ADGRG4: variants seen among roughly 807,000 people sequenced by gnomAD.
The protein encoded by ADGRG4 is adhesion G protein-coupled receptor G4.
Under a neutral mutation model 126.2 loss-of-function variants are expected in ADGRG4, and 122 were observed. That is an observed-to-expected ratio of 0.97 (90% CI 0.83 to 1.12). The LOEUF is 1.12. Ranked by LOEUF, ADGRG4 falls within the 50% of genes most tolerant of loss-of-function variation. ADGRG4 has a pLI of 0.00. For synonymous variants in ADGRG4, 943 were observed against 838.7 expected, an observed-to-expected ratio of 1.12 and a Z score of -2.15; for missense variants, 2,481 against 2,251.8, an observed-to-expected ratio of 1.10 and a Z score of -2.06.
rs1457441441 is a variant in ADGRG4, at chrX:136,345,306, G to A, written c.1600G>A (p.Asp534Asn). The change falls in exon 6 of 26, where the codon GAT (aspartate) becomes AAT (asparagine). Residue 534 changes from aspartate (D) to asparagine (N), a missense_variant. By Grantham distance (23) the Asp-to-Asn change is conservative (BLOSUM62 1). Coordinates refer to ENST00000394143, the MANE Select transcript of ADGRG4 (RefSeq NM_153834.4). ...ETELTSTNFQDVSLPRVEDAM... is the reference protein window; with the variant it reads ...ETELTSTNFQNVSLPRVEDAM... ...AGAATTGACATCTACAAATTTTCAGGATGTCTCTTTACCCAGAGTGGAAGA... is the reference window on the plus strand; with the variant it reads ...AGAATTGACATCTACAAATTTTCAGAATGTCTCTTTACCCAGAGTGGAAGA... The A allele has an allele frequency of 8.3e-7, 1 of 1,210,282 alleles. No homozygotes were observed. Among genetic ancestry groups the A allele is most frequent in the Admixed American group, 2.2e-5 (1 of 45,917 alleles).
rs765251315 is a variant in ADGRG4 at position 136,350,444 on chromosome X, A to G, written c.6727+11A>G. ...CCACCAAGTCCACAGGTACTGCTCCATAATGCATGTGGTGTAGCCCCAACA... is the reference window on the plus strand; with the variant it reads ...CCACCAAGTCCACAGGTACTGCTCCGTAATGCATGTGGTGTAGCCCCAACA... On this transcript the variant is annotated intron_variant, in intron 6 of 25. Coordinates refer to ENST00000394143, the MANE Select transcript of ADGRG4 (RefSeq NM_153834.4). The G allele has an allele frequency of 3.4e-6, 4 of 1,191,766 alleles. No individual in the cohort carries two copies. Among genetic ancestry groups the G allele is most frequent in the Non-Finnish European group, 4.5e-6 (4 of 884,578 alleles).
intron 22 of ADGRG4, among the ~76,000 whole-genome samples, chrX:136,404,346 G>A (rs1692935807): frequency 9.0e-6 from 1 of 111,180 alleles, no homozygotes; most frequent in Middle Eastern, 4.2e-3. Flanking sequence ...AAGAGCAAAA[G>A]CAAAATCAGA....
chrX:136,393,548 T>C lies in ADGRG4; in HGVS notation c.8048T>C (p.Val2683Ala). ...HIGGNQNYGQ[V>A]HCAFWDFENN... is the part of the protein sequence containing the mutation. ...CTTTTTTTCCAGAATTATGGTCAAGTTCACTGTGCCTTTTGGGATTTTGAG... is the reference window on the plus strand; with the variant it reads ...CTTTTTTTCCAGAATTATGGTCAAGCTCACTGTGCCTTTTGGGATTTTGAG... Residue 2683 changes from valine (V) to alanine (A), a missense_variant, in exon 18 of 26, where the codon GTT becomes GCT. Val to Ala is a moderately conservative substitution (Grantham distance 64, BLOSUM62 0). Transcript: ENST00000394143. 1 of 1,205,327 alleles carries C rather than the reference T, an allele frequency of 8.3e-7. No homozygotes were observed. The highest frequency in any genetic ancestry group is 1.1e-6 in the Non-Finnish European group (1 of 890,415).
intron 5 of ADGRG4, among the ~76,000 whole-genome samples, chrX:136,330,271 C>T (rs780392888): frequency 7.2e-5 from 8 of 111,140 alleles, no homozygotes; most frequent in Non-Finnish European, 1.3e-4. Flanking sequence ...TTTCCCCCTA[C>T]GCTGCTTCAT....
At position 136,347,693 on chromosome X, in the gene ADGRG4, T is replaced by C. The variant is rs1484225543; in HGVS notation, c.3987T>C (p.Ala1329=). The C allele has an allele frequency of 8.3e-7, 1 of 1,210,244 alleles. No individual in the cohort carries two copies. Among genetic ancestry groups the C allele is most frequent in the Admixed American group, 2.2e-5 (1 of 45,993 alleles). ...GGACTCCCTCTGATGGAAATTTGGC[T>C]TCATCTCCCACTTCTGGAAGCACAC... is the stretch of plus-strand genomic sequence containing the variant. ...PLGTPSDGNL[A]SSPTSGSTQI... The change falls in exon 6 of 26, where the codon GCT becomes GCC. Residue 1329 remains alanine (A), a synonymous_variant. Transcript: ENST00000394143.
At chrX:136,306,151 C>T (rs1010687206) in intron 3 of ADGRG4, 1 of 111,380 alleles carries the variant, frequency 9.0e-6, no homozygotes, top group Admixed American at 9.6e-5. Flanking sequence ...TTAAAAGAGT[C>T]CAGTTCTCAG....
chrX:136,361,360 ATAT>A, intron 11 of ADGRG4, 92 bp from the exon 12 acceptor site: 2 of 302,138 alleles, frequency 6.6e-6, no homozygotes, highest in Non-Finnish European at 9.6e-6. Context: ...ATAATATATA[ATAT>A]TATATTATTA....
At chrX:136,380,797 G>A (rs137897757) in intron 15 of ADGRG4, among the ~76,000 whole-genome samples, 279 of 107,875 alleles carry the variant, frequency 2.6e-3, no homozygotes, top group African/African-American at 8.5e-3. Flanking sequence ...CAGCAGCTTC[G>A]AACTCCTGGA....
At chrX:136,309,731 C>T (rs963191797) in intron 4 of ADGRG4, among the ~76,000 whole-genome samples, 1 of 111,530 alleles carries the variant, frequency 9.0e-6, no homozygotes, top group African/African-American at 3.3e-5. Context: ...ATGGGGCCTA[C>T]GGGGTACAGT....
In ADGRG4 at chrX:136,345,583, G is replaced by A. The variant is rs771148242; in HGVS notation, c.1877G>A (p.Arg626Lys). The part of the protein sequence containing the change: ...DGHLLTLMST[R>K]SASTSKAPES... ...CACTTGCTTACTTTGATGTCCACTA[G>A]ATCAGCTTCCACATCCAAGGCACCT... Residue 626 changes from arginine to lysine, a missense_variant, in exon 6 of 26, where the codon AGA becomes AAA. Coordinates refer to ENST00000394143, the MANE Select transcript of ADGRG4 (RefSeq NM_153834.4). 8.3e-7 allele frequency: 1 copy of A among 1,210,672 alleles called. No individual in the cohort carries two copies.
At chrX:136,312,297 T>C (rs1226342045) in intron 4 of ADGRG4, among the ~76,000 whole-genome samples, 1 of 112,251 alleles carries the variant, frequency 8.9e-6, no homozygotes, top group Non-Finnish European at 1.9e-5. Context: ...TAGAAGGTTG[T>C]AGAGACTGGC....
intron 10 of ADGRG4, 91 bp from the exon 11 acceptor site, chrX:136,359,201 A>T: frequency 4.2e-6 from 3 of 708,687 alleles, no homozygotes; most frequent in Non-Finnish European, 6.2e-6. Flanking sequence ...ACTACCAATT[A>T]AATCAGCTGT....
At chrX:136,318,362 G>T (rs2074818322) in intron 4 of ADGRG4, among the ~76,000 whole-genome samples, 2 of 111,943 alleles carry the variant, frequency 1.8e-5, no homozygotes, top group African/African-American at 6.5e-5. Context: ...ATTAGTAGTT[G>T]CCAGGGGCTG....
At chrX:136,351,700 A>G (rs1219061061) in intron 7 of ADGRG4, among the ~76,000 whole-genome samples, 159 bp downstream of exon 7, 3 of 106,930 alleles carry the variant, frequency 2.8e-5, no homozygotes, top group African/African-American at 6.8e-5. Context: ...AAATCTGTCT[A>G]CTCTGTAAGC....
chrX:136,416,317 A>C (rs961059596), intron 25 of ADGRG4, 137 bp from the exon 26 acceptor site: 1 of 476,599 alleles, frequency 2.1e-6, no homozygotes, highest in African/African-American at 2.4e-5. Context: ...AAAACAGTCC[A>C]AAGAAAGCAC....
At chrX:136,408,124 G>A (rs1331765186) in intron 23 of ADGRG4, among the ~76,000 whole-genome samples, 3 of 111,950 alleles carry the variant, frequency 2.7e-5, no homozygotes, top group Admixed American at 9.5e-5. Flanking sequence ...GGAGGGGCAG[G>A]GGTGTTTTCA....
intron 20 of ADGRG4, among the ~76,000 whole-genome samples, chrX:136,399,646 A>G (rs111866093): frequency 0.05 from 5,490 of 110,162 alleles, 368 homozygotes; most frequent in African/African-American, 0.17. Flanking sequence ...GTTGAGAGAG[A>G]CTATTATTAT....
At chrX:136,383,009 T>C (rs1269202425) in intron 15 of ADGRG4, among the ~76,000 whole-genome samples, 1 of 110,637 alleles carries the variant, frequency 9.0e-6, no homozygotes, top group African/African-American at 3.3e-5. Context: ...TCTTGATTCC[T>C]GGAACTGTGA....
chrX:136,323,187 A>G lies in ADGRG4; in HGVS notation c.480A>G (p.Leu160=). Residue 160 remains leucine, a synonymous_variant, in exon 5 of 26, where the codon CTA becomes CTG. Transcript: ENST00000394143. ...HNLTPHGTLF[L]GHFLKNESSE... ...TGACACCTCATGGGACTCTGTTCCT[A>G]GGGCACTTTCTCAAGAATGAGAGCA... The G allele has an allele frequency of 1.7e-6, 2 of 1,211,624 alleles. No individual in the cohort carries two copies. Among genetic ancestry groups the G allele is most frequent in the Non-Finnish European group, 2.2e-6 (2 of 895,300 alleles).
Sources: gnomAD v4.1 joint callset for allele counts (sites outside exome capture counted in the v4.1 genomes callset) on GRCh38, gnomAD v4.1.1 for gene constraint, MANE v1.5 for transcripts, NCBI Gene and HGNC (gene_info 2026-07-23, HGNC 2026-07-21) for gene names.